CCDC149: variants seen among roughly 807,000 people sequenced by gnomAD.
CCDC149 encodes coiled-coil domain containing 149.
Under a neutral mutation model 59.9 loss-of-function variants are expected in CCDC149, and 45 were observed. The ratio of observed to expected loss-of-function variants is 0.75; its 90% CI spans 0.59 to 0.96. The LOEUF is 0.96. Among genes scored for constraint, CCDC149 ranks in the 40% least tolerant of loss-of-function variants. CCDC149 has a pLI of 0.00. For missense variants in CCDC149, 584 were observed against 664.7 expected (o/e 0.88, Z 1.33); for synonymous variants, 245 against 260.6 (o/e 0.94, Z 0.58).
chr4:24,888,210 C>T (rs78017329), intron 1 of CCDC149, among the ~76,000 whole-genome samples: 2,682 of 152,292 alleles, frequency 0.018, 22 homozygotes, highest in Middle Eastern at 0.034. Context: ...TCCTGGCCCA[C>T]AGTGTGTGCT....
intron 1 of CCDC149, among the ~76,000 whole-genome samples, chr4:24,880,827 G>A (rs1719793907): frequency 6.6e-6 from 1 of 152,150 alleles, no homozygotes; most frequent in Admixed American, 6.5e-5. Context: ...CCTTGGGAAA[G>A]CCATAATACA....
chr4:24,859,339 C>A (rs1317420012), intron 3 of CCDC149, among the ~76,000 whole-genome samples: 1 of 152,128 alleles, frequency 6.6e-6, no homozygotes, highest in Non-Finnish European at 1.5e-5. Flanking sequence ...AACGCATTTT[C>A]AACTTTTAAT....
chr4:24,838,221 C>T lies in CCDC149; in HGVS notation c.424G>A (p.Val142Met), dbSNP rs774075880. 27 of 1,614,036 alleles carry T rather than the reference C, an allele frequency of 1.7e-5. No homozygotes were observed. Among genetic ancestry groups the T allele is most frequent in the Middle Eastern group, 1.6e-4 (1 of 6,084 alleles). ...CGCTCATGGGCTGCAAAGTGTCGCA[C>T]GCCGATTGCTTCGTCTCCGAGCCTT... The change falls in exon 5 of 13, where the codon GTG (valine) becomes ATG (methionine). Residue 142 changes from valine to methionine, a missense_variant. Coordinates refer to ENST00000635206, the MANE Select transcript of CCDC149 (RefSeq NM_001330643.2).
chr4:24,922,008 CT>C (rs1450006436), intron 1 of CCDC149, among the ~76,000 whole-genome samples: 5 of 152,158 alleles, frequency 3.3e-5, no homozygotes, highest in African/African-American at 1.2e-4. Flanking sequence ...CTTCCAAGGG[CT>C]TTGAGAGAAG....
chr4:24,873,642 G>A, intron 3 of CCDC149, 39 bp downstream of exon 3: 1 of 1,379,536 alleles, frequency 7.2e-7, no homozygotes. Flanking sequence ...TTGCTGCTAG[G>A]TATCAATAAA....
At position 24,866,537 on chromosome 4, in the gene CCDC149, A is replaced by G. The variant is rs1718702919; in HGVS notation, c.264+7144T>C. Reference sequence around the variant, plus strand: ...TTTTGGTGATCTCTCACTGCAGTGCAAAGGGGCGCTCTGTGTACACTTCTG... The same window carrying G: ...TTTTGGTGATCTCTCACTGCAGTGCGAAGGGGCGCTCTGTGTACACTTCTG... On this transcript the variant is annotated intron_variant, in intron 3 of 12. Transcript: ENST00000635206. 2.0e-5 allele frequency among the ~76,000 whole-genome samples: 3 copies of G among 152,272 alleles called. 1 individual carries two copies. The highest frequency in any genetic ancestry group is 6.8e-3 in the Middle Eastern group (2 of 294).
intron 4 of CCDC149, among the ~76,000 whole-genome samples, chr4:24,852,284 CCATA>C (rs535385425): frequency 0.044 from 4,820 of 109,308 alleles, 197 homozygotes; most frequent in Admixed American, 0.15. Flanking sequence ...CTCCAACACA[CCATA>C]CACACACACA....
intron 8 of CCDC149, among the ~76,000 whole-genome samples, chr4:24,833,045 G>A (rs780198851): frequency 6.6e-6 from 1 of 151,886 alleles, no homozygotes. Context: ...GTGCTCCTGC[G>A]TATGTGTCCT....
rs563979490 is a variant in CCDC149 at position 24,919,813 on chromosome 4, A to T, written c.-64-24695T>A. ...GATCTTGAAGGCCTGTGACTCTATG[A>T]AATTAATTTTACATTTGGGTGAGGA... is the stretch of plus-strand genomic sequence containing the variant. On this transcript the variant is annotated intron_variant, in intron 1 of 12. Coordinates refer to the CCDC149 transcript ENST00000389609. Among the ~76,000 whole-genome samples, 360 of 152,336 alleles carry T rather than the reference A, an allele frequency of 2.4e-3. 1 individual carries two copies. Among genetic ancestry groups the T allele is most frequent in the African/African-American group, 8.1e-3 (338 of 41,570 alleles).
At chr4:24,813,527 T>TATATATATAAATA (rs1405803152) in intron 12 of CCDC149, among the ~76,000 whole-genome samples, 1 of 91,264 alleles carries the variant, frequency 1.1e-5, no homozygotes, top group Non-Finnish European at 2.3e-5. Flanking sequence ...TATATATATA[T>TATATATATAAATA]AAAACCTAAA....
At chr4:24,882,066 A>C (rs953272613) in intron 1 of CCDC149, among the ~76,000 whole-genome samples, 1 of 152,252 alleles carries the variant, frequency 6.6e-6, no homozygotes, top group Non-Finnish European at 1.5e-5. Flanking sequence ...AAACAAAAAA[A>C]GAGACAATTT....
intron 1 of CCDC149, among the ~76,000 whole-genome samples, chr4:24,893,613 C>CTT (rs3066508): frequency 0.019 from 1,234 of 65,770 alleles, 224 homozygotes; most frequent in African/African-American, 0.067. Flanking sequence ...AAAATACAGA[C>CTT]TTTTTTTTTT....
At chr4:24,858,329 ATTCT>A (rs1718156950) in intron 3 of CCDC149, among the ~76,000 whole-genome samples, 1 of 152,224 alleles carries the variant, frequency 6.6e-6, no homozygotes, top group African/African-American at 2.4e-5. Context: ...AAACCAAGAG[ATTCT>A]TTCCTCTAAA....
At chr4:24,916,296 A>T (rs998301539), upstream of CCDC149, among the ~76,000 whole-genome samples, 3 of 152,180 alleles carry the variant, frequency 2.0e-5, no homozygotes, top group African/African-American at 7.2e-5. Flanking sequence ...GATGCTTTTC[A>T]CTTTTAAAAG....
chr4:24,974,251 G>T (rs922080135), intron 1 of CCDC149, among the ~76,000 whole-genome samples: 1 of 152,186 alleles, frequency 6.6e-6, no homozygotes, highest in Non-Finnish European at 1.5e-5. Flanking sequence ...GGAGAGACTC[G>T]GGAGGCATCA....
intron 3 of CCDC149, among the ~76,000 whole-genome samples, chr4:24,865,816 G>A (rs1718660025): frequency 6.6e-6 from 1 of 152,134 alleles, no homozygotes; most frequent in African/African-American, 2.4e-5. Context: ...AAATCGGGGG[G>A]TGCTTCCACC....
intron 1 of CCDC149, among the ~76,000 whole-genome samples, chr4:24,964,120 G>A (rs1349489792): frequency 6.6e-6 from 1 of 151,226 alleles, no homozygotes; most frequent in Non-Finnish European, 1.5e-5. Flanking sequence ...GTTGAGCCCA[G>A]GAGGTGGAGG....
rs561904932 is a variant in CCDC149, at chr4:24,962,057, C to T, written c.-65+18012G>A. On this transcript the variant is annotated intron_variant, in intron 1 of 12. Transcript: ENST00000389609. ...AATGGGAGAAAATTTTTGCAATCTA[C>T]TCATCTGACAAAGGGCTAATATCCA... 6.6e-5 allele frequency among the ~76,000 whole-genome samples: 10 copies of T among 151,360 alleles called. No homozygotes were observed. The South Asian group carries it at 1.9e-3, about 29-fold the overall frequency.
At chr4:24,924,337 C>T (rs538340974) in intron 1 of CCDC149, among the ~76,000 whole-genome samples, 23 of 152,002 alleles carry the variant, frequency 1.5e-4, no homozygotes, top group Non-Finnish European at 2.8e-4. Context: ...ACTTTAGATA[C>T]TATTGCTGCA....
Sources: allele counts gnomAD v4.1 joint callset (sites outside exome capture counted in the v4.1 genomes callset), GRCh38; gene constraint gnomAD v4.1.1; transcripts MANE v1.5; gene names NCBI Gene and HGNC (gene_info 2026-07-23, HGNC 2026-07-21).